CEP131: variants seen among roughly 807,000 people sequenced by gnomAD.
The protein encoded by CEP131 is centrosomal protein 131.
CEP131 carries 99 observed loss-of-function variants against 136.8 expected under a neutral mutation model. The observed-to-expected ratio is 0.72, with a 90% CI of 0.62 to 0.86. The LOEUF (loss-of-function observed/expected upper bound fraction) is 0.86, where lower values mean the gene tolerates loss of function less well. Among genes scored for constraint, CEP131 ranks in the 40% least tolerant of loss-of-function variants. CEP131 has a pLI of 0.00. For missense variants in CEP131, 1,459 were observed against 1,463.0 expected (o/e 1.00, Z 0.04); for synonymous variants, 646 against 612.7 (o/e 1.05, Z -0.80).
At chr17:81,192,685 G>GGGGGGGGGGGGGGGCCCCCCCC in intron 19 of CEP131, 51 bp downstream of exon 19, 1 of 478,430 alleles carries the variant, frequency 2.1e-6, no homozygotes, top group Non-Finnish European at 4.1e-6. Flanking sequence ...GGGGGGAGGG[G>GGGGGGGGGGGGGGGCCCCCCCC]TCAGCCAGCG....
intron 7 of CEP131, among the ~76,000 whole-genome samples, chr17:81,201,327 G>A (rs1166111695): frequency 6.6e-6 from 1 of 152,184 alleles, no homozygotes; most frequent in African/African-American, 2.4e-5. Context: ...GCCAGGAGCA[G>A]GCTCCGAAAG....
chr17:81,198,927 T>G lies in CEP131; in HGVS notation c.1237A>C (p.Thr413Pro). 1 of 1,592,456 alleles carries G rather than the reference T, an allele frequency of 6.3e-7. No homozygotes were observed. The highest frequency in any genetic ancestry group is 1.1e-5 in the South Asian group (1 of 87,718). Residue 413 changes from threonine (T) to proline (P), a missense_variant, in exon 11 of 26, where the codon ACC becomes CCC. Physicochemically the swap from Thr to Pro is conservative, Grantham distance 38. Coordinates refer to ENST00000450824, the MANE Select transcript of CEP131 (RefSeq NM_014984.4). ...AAGPGDRCLP[T>P]SDSSPEPQQP... ...TGTGGTTCTGGGGATGAGTCGGAGG[T>G]GGGCAGGCAGCGGTCTCCGGGGCCT...
chr17:81,200,697 G>A (rs907025525), intron 7 of CEP131, among the ~76,000 whole-genome samples: 14 of 152,192 alleles, frequency 9.2e-5, no homozygotes, highest in East Asian at 1.9e-4. Context: ...GCCTACCCAC[G>A]CAGGCCTGTG....
chr17:81,199,468 TG>T lies in CEP131; in HGVS notation c.1104del (p.Arg369GlufsTer75). 6.2e-7 allele frequency: 1 copy of T among 1,609,142 alleles called. No individual in the cohort carries two copies. On this transcript the variant is annotated frameshift_variant, in exon 10 of 26. Transcript: ENST00000450824. LOFTEE classifies it high-confidence loss of function. ...GCAGGCTGCCGCATTCCTGGCACTC[TG>T]GTCTCCCTGGGATTCTCAGGTGGCC... Reference protein sequence around the residue: ...ERGPPENPRETRVPGMRQPAQ... With the variant: ...ERGPPENPREXRVPGMRQPAQ...
chr17:81,199,797 G>A lies in CEP131; in HGVS notation c.945C>T (p.Asp315=). The change falls in exon 9 of 26, where the codon GAC becomes GAT. Residue 315 remains aspartate, a synonymous_variant. Coordinates refer to ENST00000450824, the MANE Select transcript of CEP131 (RefSeq NM_014984.4). ...TGGCTGCCTCTTTCTGCTGGTGCAG[G>A]TCCAAGAGGGTCCCCTCGCCTGACC... The part of the protein sequence containing the change: ...RQRSGEGTLL[D]LHQQKEAARR... 1.2e-6 allele frequency: 2 copies of A among 1,611,644 alleles called. 1 individual carries two copies. The highest frequency in any genetic ancestry group is 2.2e-5 in the South Asian group (2 of 91,084).
Position 81,219,851 on chromosome 17 carries a change from G to A in CEP131, c.177+29C>T. 6.5e-7 allele frequency: 1 copy of A among 1,529,786 alleles called. No individual in the cohort carries two copies. 94.8% of individuals were successfully genotyped at this position (1,529,786 alleles called of 1,614,324 possible). A position where few individuals can be genotyped will look rare whatever the true frequency, so the allele number is the denominator to read the frequency against. On this transcript the variant is annotated intron_variant, in intron 2 of 25. Coordinates refer to ENST00000450824, the MANE Select transcript of CEP131 (RefSeq NM_014984.4). The surrounding 1 kb of genome is among the most constrained non-coding windows in gnomAD (Gnocchi z 4.0). ...GAACAACAGCCCTCCAGGAGGCAGG[G>A]GCCCGGACTCCTAGGCCACAGTACT...
Position 81,218,203 on chromosome 17 carries a change from C to T in CEP131, c.177+1677G>A, listed in dbSNP as rs982980475. Among the ~76,000 whole-genome samples the T allele has an allele frequency of 4.6e-5, 7 of 152,140 alleles. No individual in the cohort carries two copies. In the East Asian group the frequency reaches 9.6e-4, roughly 21 times the overall value. On this transcript the variant is annotated intron_variant, in intron 2 of 25. Transcript: ENST00000450824. ...GATTAAGGGTGCGCGCCACCACGCC[C>T]GGCTAATTTTTGCATTTTCAGTAGA...
rs2062329405 is a variant in CEP131, at chr17:81,219,272, C to G, written c.177+608G>C. ...GGCCACCAGGAGCTCATCACCCCTCCCCACAGGTCAACCCCATTTCTTTCT... is the reference window on the plus strand; with the variant it reads ...GGCCACCAGGAGCTCATCACCCCTCGCCACAGGTCAACCCCATTTCTTTCT... On this transcript the variant is annotated intron_variant, in intron 2 of 25. Transcript: ENST00000450824. The surrounding 1 kb of genome is among the most constrained non-coding windows in gnomAD (Gnocchi z 4.0). Among the ~76,000 whole-genome samples the G allele has an allele frequency of 1.3e-5, 2 of 151,372 alleles. No homozygotes were observed. The highest frequency in any genetic ancestry group is 2.1e-4 in the South Asian group (1 of 4,784).
rs2061947900 is a variant in CEP131, at chr17:81,203,849, G to A, written c.516-242C>T. ...CCACGGGGCAGGGGATAGAATCGAG[G>A]CATGAACGCTGGACGTGCCCAAGAC... On this transcript the variant is annotated intron_variant, in intron 5 of 25. Transcript: ENST00000450824. The surrounding 1 kb of genome is among the most constrained non-coding windows in gnomAD (Gnocchi z 4.6). 2 of 512,302 alleles carry A rather than the reference G, an allele frequency of 3.9e-6. No homozygotes were observed. The highest frequency in any genetic ancestry group is 5.2e-4 in the Middle Eastern group (1 of 1,910). The allele number at this position is 512,302 out of a possible 1,614,324, so 31.7% of individuals were successfully genotyped here. A position where few individuals can be genotyped will look rare whatever the true frequency, so the allele number is the denominator to read the frequency against.
At position 81,203,452 on chromosome 17, in the gene CEP131, G is replaced by A; in HGVS notation, c.629+42C>T. On this transcript the variant is annotated intron_variant, in intron 6 of 25. Coordinates refer to ENST00000450824, the MANE Select transcript of CEP131 (RefSeq NM_014984.4). The surrounding 1 kb of genome is among the most constrained non-coding windows in gnomAD (Gnocchi z 4.6). ...TGCACTGACTACATGCCCTAACTGA[G>A]GTCGGACCCCGCAGCCCCGCGGCCT... The A allele has an allele frequency of 6.7e-7, 1 of 1,498,090 alleles. No homozygotes were observed. The highest frequency in any genetic ancestry group is 9.1e-7 in the Non-Finnish European group (1 of 1,102,256). 92.8% of individuals were successfully genotyped at this position (1,498,090 alleles called of 1,614,324 possible). A position where few individuals can be genotyped will look rare whatever the true frequency, so the allele number is the denominator to read the frequency against.
In CEP131 at chr17:81,198,233, G is replaced by A. The variant is rs1378074741; in HGVS notation, c.1352C>T (p.Ala451Val). 1.9e-6 allele frequency: 3 copies of A among 1,602,498 alleles called. No individual in the cohort carries two copies. Among genetic ancestry groups the A allele is most frequent in the East Asian group, 2.3e-5 (1 of 44,258 alleles). Residue 451 changes from alanine (A) to valine (V), a missense_variant, in exon 12 of 26, where the codon GCC becomes GTC. By Grantham distance (64) the Ala-to-Val change is moderately conservative. Coordinates refer to ENST00000450824, the MANE Select transcript of CEP131 (RefSeq NM_014984.4). Reference sequence around the variant, plus strand: ...CTCCTCCAGTGGCCCCCTGGACTTGGCGCTCCCCCTGCTCGGGGCCATCAT... The same window carrying A: ...CTCCTCCAGTGGCCCCCTGGACTTGACGCTCCCCCTGCTCGGGGCCATCAT... Reference protein sequence around the residue: ...LEMMAPSRGSAKSRGPLEELL... With the variant: ...LEMMAPSRGSVKSRGPLEELL...
chr17:81,221,840 G>T (rs1181481430), intron 1 of CEP131, among the ~76,000 whole-genome samples: 3 of 152,146 alleles, frequency 2.0e-5, no homozygotes, highest in Non-Finnish European at 4.4e-5. Flanking sequence ...TTACCTCCCT[G>T]CCACGGTGGC....
At chr17:81,199,240 G>T in intron 10 of CEP131, 141 bp downstream of exon 10, 1 of 1,062,382 alleles carries the variant, frequency 9.4e-7, no homozygotes, top group Non-Finnish European at 1.3e-6. Flanking sequence ...TCAGCTGGGG[G>T]CCAAGGCCCC....
chr17:81,199,922 A>AG, intron 8 of CEP131, 87 bp from the exon 9 acceptor site: 1 of 1,315,448 alleles, frequency 7.6e-7, no homozygotes, highest in South Asian at 1.2e-5. Context: ...AACGCCCTGG[A>AG]GTCCCCTAGA....
At chr17:81,197,616 C>G (rs146007499) in intron 13 of CEP131, 96 bp downstream of exon 13, 2 of 1,462,452 alleles carry the variant, frequency 1.4e-6, no homozygotes, top group Non-Finnish European at 1.8e-6. Flanking sequence ...GGGCCAGGTG[C>G]GGGCTGGTGA....
intron 1 of CEP131, among the ~76,000 whole-genome samples, chr17:81,222,024 C>T (rs1032006979): frequency 2.6e-5 from 4 of 152,210 alleles, no homozygotes; most frequent in Non-Finnish European, 5.9e-5. Flanking sequence ...TATGCACTTC[C>T]GGCTGTGCGG....
At chr17:81,201,281 T>G (rs1487009406) in intron 7 of CEP131, among the ~76,000 whole-genome samples, 1 of 152,174 alleles carries the variant, frequency 6.6e-6, no homozygotes, top group Admixed American at 6.5e-5. Flanking sequence ...CTGGTCTCCC[T>G]AGCCCTAACT....
chr17:81,202,018 G>A (rs948768726), intron 7 of CEP131, among the ~76,000 whole-genome samples: 1 of 151,824 alleles, frequency 6.6e-6, no homozygotes, highest in Non-Finnish European at 1.5e-5. Context: ...GGAGAATGGT[G>A]TGAACCCGGG....
chr17:81,204,793 G>A lies in CEP131; in HGVS notation c.516-1186C>T, dbSNP rs376146347. On this transcript the variant is annotated intron_variant, in intron 5 of 25. Transcript: ENST00000450824. The stretch of plus-strand genomic sequence containing the variant: ...CGGACCGCACCAGGCACCAGCCCAC[G>A]CCCAGCACCAGCCTGGCCTGCACCT... Among the ~76,000 whole-genome samples the A allele has an allele frequency of 2.6e-4, 39 of 151,708 alleles. No individual in the cohort carries two copies. The South Asian group carries it at 6.9e-3, about 27-fold the overall frequency.
Sources: gnomAD v4.1 joint callset for allele counts (sites outside exome capture counted in the v4.1 genomes callset) on GRCh38, gnomAD v4.1.1 for gene constraint, Gnocchi (gnomAD v3.1) non-coding constraint, MANE v1.5 for transcripts, NCBI Gene and HGNC (gene_info 2026-07-23, HGNC 2026-07-21) for gene names.